Variants in SRRM5 observed in about 807,000 individuals in gnomAD.
SRRM5 encodes the protein serine/arginine repetitive matrix 5.
In SRRM5, 1 loss-of-function variant was observed where a neutral mutation model predicts 1.3. That is an observed-to-expected ratio of 0.76 (90% CI 0.27 to 3.59). The LOEUF (loss-of-function observed/expected upper bound fraction) is 3.59. Ranked by LOEUF, SRRM5 falls within the 30% of genes most tolerant of loss-of-function variation. The pLI is 0.19. For missense variants in SRRM5, 875 were observed against 914.5 expected (o/e 0.96, Z 0.56); for synonymous variants, 275 against 320.2 (o/e 0.86, Z 1.51).
rs1973350747 is a variant in SRRM5, at chr19:43,614,378, G to A, written c.*109G>A. 2.0e-6 allele frequency: 3 copies of A among 1,521,122 alleles called. No homozygotes were observed. The highest frequency in any genetic ancestry group is 2.8e-5 in the African/African-American group (2 of 72,064). 94.2% of individuals were successfully genotyped at this position (1,521,122 alleles called of 1,614,324 possible). On this transcript the variant is annotated 3_prime_UTR_variant, in exon 1 of 1. Coordinates refer to ENST00000417606, the MANE Select transcript of SRRM5 (RefSeq NM_001145641.2). ...GTCCCTCCCCGGCCAGCTCTCCACA[G>A]CCACACCTCCGGCCACAAGTTCTCT...
chr19:43,613,057 C>G lies in SRRM5; in HGVS notation c.936C>G (p.Ser312Arg), dbSNP rs1410190923. ...VRSHSWKRNHSRARSRTRKGI... is the reference protein window; with the variant it reads ...VRSHSWKRNHRRARSRTRKGI... ...GTCACAGTTGGAAGAGAAACCATAG[C>G]AGGGCAAGAAGTCGCACCCGGAAGG... The change falls in exon 1 of 1, where the codon AGC becomes AGG. Residue 312 changes from serine (S) to arginine (R), a missense_variant. Transcript: ENST00000417606. 6.4e-7 allele frequency: 1 copy of G among 1,551,408 alleles called. No individual in the cohort carries two copies. The highest frequency in any genetic ancestry group is 1.4e-5 in the African/African-American group (1 of 72,998).
rs1237074571 is a variant in SRRM5, at chr19:43,613,830, G to C, written c.1709G>C (p.Arg570Thr). The C allele has an allele frequency of 1.9e-6, 3 of 1,549,520 alleles. No homozygotes were observed. The change falls in exon 1 of 1, where the codon AGA becomes ACA. Residue 570 changes from arginine to threonine, a missense_variant. By Grantham distance (71) the Arg-to-Thr change is moderately conservative (BLOSUM62 -1). Transcript: ENST00000417606. ...SRSPSKERDR[R>T]RWRSPSKERE... ...AGCCCCAGCAAAGAGAGAGATCGCA[G>C]ACGATGGAGAAGCCCCAGCAAGGAG...
chr19:43,613,809 C>A lies in SRRM5; in HGVS notation c.1688C>A (p.Pro563His), dbSNP rs189487564. Residue 563 changes from proline (P) to histidine (H), a missense_variant, in exon 1 of 1, where the codon CCC becomes CAC. By Grantham distance (77) the Pro-to-His change is moderately conservative. Coordinates refer to ENST00000417606, the MANE Select transcript of SRRM5 (RefSeq NM_001145641.2). ...AGAGAGCACAGACAATCCAGAAGCCCCAGCAAAGAGAGAGATCGCAGACGA... is the reference window on the plus strand; with the variant it reads ...AGAGAGCACAGACAATCCAGAAGCCACAGCAAAGAGAGAGATCGCAGACGA... Reference protein sequence around the residue: ...EEREHRQSRSPSKERDRRRWR... With the variant: ...EEREHRQSRSHSKERDRRRWR... 6.4e-7 allele frequency: 1 copy of A among 1,550,914 alleles called. No individual in the cohort carries two copies. Among genetic ancestry groups the A allele is most frequent in the East Asian group, 2.4e-5 (1 of 40,890 alleles).
chr19:43,613,176 G>A lies in SRRM5; in HGVS notation c.1055G>A (p.Ser352Asn). ...TCTAGAACCCCCAGAAGAGGAAGAA[G>A]TCACAACTGGTCTAGAAACCCCAGC... Reference protein sequence around the residue: ...NQSRTPRRGRSHNWSRNPSKE... With the variant: ...NQSRTPRRGRNHNWSRNPSKE... Residue 352 changes from serine to asparagine, a missense_variant, in exon 1 of 1, where the codon AGT (serine) becomes AAT (asparagine). Transcript: ENST00000417606. 6.4e-7 allele frequency: 1 copy of A among 1,551,620 alleles called. No individual in the cohort carries two copies. The highest frequency in any genetic ancestry group is 8.7e-7 in the Non-Finnish European group (1 of 1,146,990).
chr19:43,613,535 G>A lies in SRRM5; in HGVS notation c.1414G>A (p.Asp472Asn). Residue 472 changes from aspartate to asparagine, a missense_variant, in exon 1 of 1, where the codon GAT becomes AAT. Physicochemically the swap from Asp to Asn is conservative, Grantham distance 23. Transcript: ENST00000417606. ...ATCTAGAAGTCCCAACAAGGCGAGA[G>A]ATCGCAGCCGATCTAGAAGCCCCAG... Reference protein sequence around the residue: ...SRSRSPNKARDRSRSRSPSKE... With the variant: ...SRSRSPNKARNRSRSRSPSKE... 1 of 1,551,044 alleles carries A rather than the reference G, an allele frequency of 6.4e-7. No homozygotes were observed. The highest frequency in any genetic ancestry group is 2.0e-5 in the Admixed American group (1 of 50,948).
At position 43,612,793 on chromosome 19, in the gene SRRM5, A is replaced by G; in HGVS notation, c.672A>G (p.Gly224=). The part of the protein sequence containing the change: ...PSTAKCQTPT[G]IPSKEKSDNP... ...CAGCCAAGTGTCAAACCCCGACTGG[A>G]ATTCCCTCCAAGGAGAAGAGTGACA... The change falls in exon 1 of 1, where the codon GGA becomes GGG. Residue 224 remains glycine, a synonymous_variant. Transcript: ENST00000417606. This position sits in a 1 kb window ranked among gnomAD's most constrained non-coding sequence, Gnocchi z 4.2. The G allele has an allele frequency of 6.4e-7, 1 of 1,551,664 alleles. No individual in the cohort carries two copies. The highest frequency in any genetic ancestry group is 2.4e-5 in the East Asian group (1 of 40,920).
At position 43,612,300 on chromosome 19, in the gene SRRM5, G is replaced by C; in HGVS notation, c.179G>C (p.Ser60Thr). 1 of 1,551,662 alleles carries C rather than the reference G, an allele frequency of 6.4e-7. No homozygotes were observed. The highest frequency in any genetic ancestry group is 8.7e-7 in the Non-Finnish European group (1 of 1,146,990). The change falls in exon 1 of 1, where the codon AGC (serine) becomes ACC (threonine). Residue 60 changes from serine to threonine, a missense_variant. By Grantham distance (58) the Ser-to-Thr change is moderately conservative. Transcript: ENST00000417606. The surrounding 1 kb of genome is among the most constrained non-coding windows in gnomAD (Gnocchi z 4.2). ...TCCCGTAACTCAGTCATGAGCCCAAGCAGTTCCAAGTCCACCAAATCGACC... is the reference window on the plus strand; with the variant it reads ...TCCCGTAACTCAGTCATGAGCCCAACCAGTTCCAAGTCCACCAAATCGACC... ...ATSRNSVMSPSSSKSTKSTST... is the reference protein window; with the variant it reads ...ATSRNSVMSPTSSKSTKSTST...
rs918489460 is a variant in SRRM5, at chr19:43,613,509, G to A, written c.1388G>A (p.Arg463Gln). 7.1e-5 allele frequency: 110 copies of A among 1,550,394 alleles called. No individual in the cohort carries two copies. The highest frequency in any genetic ancestry group is 8.3e-5 in the Non-Finnish European group (95 of 1,146,782). ...RSPNKARDHS[R>Q]SRSPNKARDR... ...CCCAACAAGGCAAGAGATCATAGCC[G>A]ATCTAGAAGTCCCAACAAGGCGAGA... is the stretch of plus-strand genomic sequence containing the variant. The change falls in exon 1 of 1, where the codon CGA becomes CAA. Residue 463 changes from arginine to glutamine, a missense_variant. Transcript: ENST00000417606.
Position 43,614,080 on chromosome 19 carries a change from G to A in SRRM5, c.1959G>A (p.Lys653=). The A allele has an allele frequency of 6.4e-7, 1 of 1,563,110 alleles. No individual in the cohort carries two copies. The highest frequency in any genetic ancestry group is 2.4e-5 in the East Asian group (1 of 41,490). Residue 653 remains lysine (K), a synonymous_variant, in exon 1 of 1, where the codon AAG becomes AAA. Coordinates refer to ENST00000417606, the MANE Select transcript of SRRM5 (RefSeq NM_001145641.2). The stretch of plus-strand genomic sequence containing the variant: ...CAGTCCCCAGAAGTCCCGACTGGAA[G>A]AGATCCCCTACTAGGACAAGCAGTC... ...QSTVPRSPDW[K]RSPTRTSSLS...
At position 43,613,526 on chromosome 19, in the gene SRRM5, A is replaced by G. The variant is rs1275099429; in HGVS notation, c.1405A>G (p.Lys469Glu). Residue 469 changes from lysine to glutamate, a missense_variant, in exon 1 of 1, where the codon AAG becomes GAG. Physicochemically the swap from Lys to Glu is moderately conservative, Grantham distance 56. Transcript: ENST00000417606. ...TCATAGCCGATCTAGAAGTCCCAAC[A>G]AGGCGAGAGATCGCAGCCGATCTAG... ...RDHSRSRSPN[K>E]ARDRSRSRSP... 2.6e-6 allele frequency: 4 copies of G among 1,551,504 alleles called. No individual in the cohort carries two copies. Among genetic ancestry groups the G allele is most frequent in the Non-Finnish European group, 3.5e-6 (4 of 1,146,928 alleles).
chr19:43,613,386 CGA>C lies in SRRM5; in HGVS notation c.1270_1271del (p.Asp424SerfsTer5), dbSNP rs1236331332. ...AGCCGATCTAGAAGTCCCTACAAGG[CGA>C]GAGATCGCAGCCGATCTAGAAGTCC... On this transcript the variant is annotated frameshift_variant, in exon 3 of 3. Transcript: ENST00000607544. LOFTEE classifies it low-confidence loss of function (END_TRUNC). 1.6e-5 allele frequency: 24 copies of C among 1,543,412 alleles called. No homozygotes were observed. Among genetic ancestry groups the C allele is most frequent in the Non-Finnish European group, 2.0e-5 (23 of 1,144,362 alleles).
In SRRM5 at chr19:43,613,924, G is replaced by A. The variant is rs1265516625; in HGVS notation, c.1803G>A (p.Lys601=). 2.6e-6 allele frequency: 4 copies of A among 1,551,536 alleles called. No homozygotes were observed. The highest frequency in any genetic ancestry group is 1.4e-5 in the African/African-American group (1 of 73,006). Residue 601 remains lysine (K), a synonymous_variant, in exon 1 of 1, where the codon AAG becomes AAA. Transcript: ENST00000417606. Reference sequence around the variant, plus strand: ...ACAGCCGATCTAGAAGCCCCAATAAGCAGAGTGGTTACAGTCGACCTAGAG... The same window carrying A: ...ACAGCCGATCTAGAAGCCCCAATAAACAGAGTGGTTACAGTCGACCTAGAG... The part of the protein sequence containing the change: ...RDHSRSRSPN[K]QSGYSRPRAS...
rs1568534876 is a variant in SRRM5, at chr19:43,612,997, T to C, written c.876T>C (p.Ser292=). The change falls in exon 1 of 1, where the codon AGT becomes AGC. Residue 292 remains serine (S), a synonymous_variant. Coordinates refer to ENST00000417606, the MANE Select transcript of SRRM5 (RefSeq NM_001145641.2). The surrounding 1 kb of genome is among the most constrained non-coding windows in gnomAD (Gnocchi z 4.2). ...CTAGAAGCCCCAGAAGGTCAAGAAG[T>C]GGCAGTCAGAAGAGGACGCACAGCA... The part of the protein sequence containing the change: ...SQSRSPRRSR[S]GSQKRTHSRV... 1.3e-6 allele frequency: 2 copies of C among 1,551,406 alleles called. No homozygotes were observed. The highest frequency in any genetic ancestry group is 1.7e-6 in the Non-Finnish European group (2 of 1,146,916).
In SRRM5 at chr19:43,613,217, A is replaced by C; in HGVS notation, c.1096A>C (p.Ser366Arg). 1 of 1,551,732 alleles carries C rather than the reference A, an allele frequency of 6.4e-7. No individual in the cohort carries two copies. Among genetic ancestry groups the C allele is most frequent in the Non-Finnish European group, 8.7e-7 (1 of 1,146,996 alleles). The change falls in exon 1 of 1, where the codon AGC becomes CGC. Residue 366 changes from serine (S) to arginine (R), a missense_variant. By Grantham distance (110) the Ser-to-Arg change is moderately radical. Coordinates refer to ENST00000417606, the MANE Select transcript of SRRM5 (RefSeq NM_001145641.2). ...AAACCCCAGCAAGGAAAGAAGTCAT[A>C]GCCATTCCAGAAGCTCCAGCAAAGA... ...SRNPSKERSH[S>R]HSRSSSKERD... is the part of the protein sequence containing the mutation.
rs376502140 is a variant in SRRM5, at chr19:43,614,074, C to A, written c.1953C>A (p.Asp651Glu). 1.9e-5 allele frequency: 30 copies of A among 1,559,278 alleles called. No homozygotes were observed. The highest frequency in any genetic ancestry group is 2.4e-5 in the Non-Finnish European group (28 of 1,151,562). The change falls in exon 1 of 1, where the codon GAC (aspartate) becomes GAA (glutamate). Residue 651 changes from aspartate to glutamate, a missense_variant. Asp to Glu is a conservative substitution (Grantham distance 45). Transcript: ENST00000417606. ...PSQSTVPRSP[D>E]WKRSPTRTSS... ...AATCTACAGTCCCCAGAAGTCCCGA[C>A]TGGAAGAGATCCCCTACTAGGACAA...
chr19:43,613,158 C>G lies in SRRM5; in HGVS notation c.1037C>G (p.Thr346Ser), dbSNP rs1973322675. 1 of 1,551,470 alleles carries G rather than the reference C, an allele frequency of 6.4e-7. No individual in the cohort carries two copies. Among genetic ancestry groups the G allele is most frequent in the Non-Finnish European group, 8.7e-7 (1 of 1,146,976 alleles). ...GGGAAAAGTCAAAACCAATCTAGAA[C>G]CCCCAGAAGAGGAAGAAGTCACAAC... The part of the protein sequence containing the change: ...SKGKSQNQSR[T>S]PRRGRSHNWS... Residue 346 changes from threonine to serine, a missense_variant, in exon 1 of 1, where the codon ACC becomes AGC. Transcript: ENST00000417606.
At position 43,614,121 on chromosome 19, in the gene SRRM5, C is replaced by A. The variant is rs778042025; in HGVS notation, c.2000C>A (p.Thr667Asn). The change falls in exon 1 of 1, where the codon ACC becomes AAC. Residue 667 changes from threonine (T) to asparagine (N), a missense_variant. Coordinates refer to ENST00000417606, the MANE Select transcript of SRRM5 (RefSeq NM_001145641.2). ...TRTSSLSQNR[T>N]PSKTSSHSPS... The stretch of plus-strand genomic sequence containing the variant: ...ACAAGCAGTCTCAGTCAGAATAGAA[C>A]CCCTAGCAAGACAAGCAGCCACTCC... 1 of 1,602,384 alleles carries A rather than the reference C, an allele frequency of 6.2e-7. No individual in the cohort carries two copies. Among genetic ancestry groups the A allele is most frequent in the African/African-American group, 1.3e-5 (1 of 74,764 alleles).
Position 43,612,597 on chromosome 19 carries a change from G to T in SRRM5, c.476G>T (p.Arg159Ile), listed in dbSNP as rs1335510675. 5 of 1,551,440 alleles carry T rather than the reference G, an allele frequency of 3.2e-6. No homozygotes were observed. The highest frequency in any genetic ancestry group is 4.4e-6 in the Non-Finnish European group (5 of 1,146,980). Residue 159 changes from arginine to isoleucine, a missense_variant, in exon 1 of 1, where the codon AGA becomes ATA. By Grantham distance (97) the Arg-to-Ile change is moderately conservative (BLOSUM62 -3). Coordinates refer to ENST00000417606, the MANE Select transcript of SRRM5 (RefSeq NM_001145641.2). This position sits in a 1 kb window ranked among gnomAD's most constrained non-coding sequence, Gnocchi z 4.2. ...GARPGMASRVRTPTSQQKGSR... is the reference protein window; with the variant it reads ...GARPGMASRVITPTSQQKGSR... ...AGACCAGGCATGGCCAGCAGGGTGAGAACTCCCACTTCACAGCAAAAAGGG... is the reference window on the plus strand; with the variant it reads ...AGACCAGGCATGGCCAGCAGGGTGATAACTCCCACTTCACAGCAAAAAGGG...
At position 43,614,043 on chromosome 19, in the gene SRRM5, CCAGT is replaced by C. The variant is rs770855682; in HGVS notation, c.1925_1928del (p.Ser642AsnfsTer44). On this transcript the variant is annotated frameshift_variant, in exon 3 of 3. Transcript: ENST00000607544. LOFTEE classifies it low-confidence loss of function (END_TRUNC). ...AGAACCTCTAGCAAGGAGAGCGACCCCAGTCAATCTACAGTCCCCAGAAGTCCCG... is the reference window on the plus strand; with the variant it reads ...AGAACCTCTAGCAAGGAGAGCGACCCCAATCTACAGTCCCCAGAAGTCCCG... The C allele has an allele frequency of 2.1e-5, 33 of 1,552,276 alleles. No homozygotes were observed. The Admixed American group carries it at 3.3e-4, about 16-fold the overall frequency.
Sources: allele counts gnomAD v4.1 joint callset, GRCh38; gene constraint gnomAD v4.1.1; non-coding constraint Gnocchi (gnomAD v3.1); transcripts MANE v1.5; gene names NCBI Gene and HGNC (gene_info 2026-07-23, HGNC 2026-07-21).